The following HOMER3 variants were observed in gnomAD, a reference collection of about 807,000 sequenced individuals.
The protein encoded by HOMER3 is homer protein homolog 3.
In HOMER3, 34 loss-of-function variants were observed where a neutral mutation model predicts 45.5. That is an observed-to-expected ratio of 0.75 (90% CI 0.57 to 1.00). The LOEUF is 1.00. Ranked by LOEUF, HOMER3 falls within the 50% of genes least tolerant of loss-of-function variation. HOMER3 has a pLI of 0.00. For missense variants in HOMER3, 480 were observed against 497.5 expected (o/e 0.96, Z 0.33); for synonymous variants, 223 against 208.8 (o/e 1.07, Z -0.58).
intron 1 of HOMER3, chr19:18,940,579 G>C (rs1393768097): frequency 6.6e-6 from 1 of 152,192 alleles, no homozygotes; most frequent in Non-Finnish European, 1.5e-5. Flanking sequence ...CCTGTCTCTG[G>C]GTCCAGAACT....
Position 18,931,998 on chromosome 19 carries a change from T to G in HOMER3, c.668A>C (p.Glu223Ala), listed in dbSNP as rs2057038459. ...CACCCGCTGCCGCAGCCGCTCGGCC[T>G]CTGCACGCTGAGCCTCCAGCTGCTG... ...WRQQLEAQRA[E>A]AERLRQRVAE... The change falls in exon 7 of 10, where the codon GAG becomes GCG. Residue 223 changes from glutamate (E) to alanine (A), a missense_variant. Transcript: ENST00000392351. The G allele has an allele frequency of 1.3e-6, 2 of 1,544,128 alleles. No homozygotes were observed. The highest frequency in any genetic ancestry group is 1.7e-6 in the Non-Finnish European group (2 of 1,145,102).
rs76187838 is a variant in HOMER3 at position 18,932,056 on chromosome 19, G to A, written c.610C>T (p.Arg204Ter). 1 of 1,558,518 alleles carries A rather than the reference G, an allele frequency of 6.4e-7. No homozygotes were observed. Among genetic ancestry groups the A allele is most frequent in the Non-Finnish European group, 8.7e-7 (1 of 1,153,262 alleles). The change falls in exon 7 of 10, where the codon CGA (arginine) becomes TGA (stop). Residue 204 changes from arginine to a stop codon, truncating the protein, a stop_gained. Coordinates refer to ENST00000392351, the MANE Select transcript of HOMER3 (RefSeq NM_004838.4). LOFTEE classifies it high-confidence loss of function. ...TGGGCTGCGGCGGCGTTGGCCTCTC[G>A]CAGGGCGCCTGCCAGCTTGTTGTTG... ...DSNNKLAGAL[R>*]EANAAAAQWR...
rs555242842 is a variant in HOMER3 at position 18,936,191 on chromosome 19, T to C, written c.304-1781A>G. ...AGCCAGGCATGGTGGCACATGACTG[T>C]AATCCCAGCTACTTGGGAGGCTGAG... On this transcript the variant is annotated intron_variant, in intron 4 of 9. Transcript: ENST00000392351. Among the ~76,000 whole-genome samples, 4 of 148,224 alleles carry C rather than the reference T, an allele frequency of 2.7e-5. 1 individual carries two copies. In the South Asian group the frequency reaches 8.5e-4, roughly 32 times the overall value.
chr19:18,932,885 A>AAAC, intron 6 of HOMER3, 39 bp downstream of exon 6: 1 of 687,534 alleles, frequency 1.5e-6, no homozygotes. Context: ...CCCCACCCCT[A>AAAC]CCCCCGCCCC....
chr19:18,935,452 A>G (rs1462955536), intron 4 of HOMER3, among the ~76,000 whole-genome samples: 1 of 152,070 alleles, frequency 6.6e-6, no homozygotes, highest in East Asian at 1.9e-4. Context: ...AATCTTTATC[A>G]GGGCTATTTC....
At chr19:18,932,227 C>A (rs2057042507) in intron 6 of HOMER3, 95 bp from the exon 7 acceptor site, 1 of 1,219,972 alleles carries the variant, frequency 8.2e-7, no homozygotes, top group African/African-American at 1.6e-5. Flanking sequence ...GGTGGGATAG[C>A]TCTGGGCTTA....
chr19:18,936,712 G>A (rs940344125), intron 4 of HOMER3, among the ~76,000 whole-genome samples: 8 of 151,434 alleles, frequency 5.3e-5, no homozygotes, highest in African/African-American at 1.5e-4. Flanking sequence ...TGTTGGGGCC[G>A]GGCGCGGTGG....
chr19:18,930,392 C>CA (rs2057018489), intron 9 of HOMER3, among the ~76,000 whole-genome samples: 1 of 143,298 alleles, frequency 7.0e-6, no homozygotes, highest in Admixed American at 7.0e-5. Context: ...CCAAAAAATA[C>CA]AAAAAATTAG....
rs2057035633 is a variant in HOMER3, at chr19:18,931,774, T to C, written c.691-149A>G. The C allele has an allele frequency of 3.4e-6, 5 of 1,468,764 alleles. No individual in the cohort carries two copies. In the African/African-American group the frequency reaches 5.7e-5, roughly 17 times the overall value. 91.0% of individuals were successfully genotyped at this position (1,468,764 alleles called of 1,614,324 possible). Reference sequence around the variant, plus strand: ...GTGCCACCACCCCCCTCTGCACAGCTTGGACTTTAGTGTCTGATCACCCTC... The same window carrying C: ...GTGCCACCACCCCCCTCTGCACAGCCTGGACTTTAGTGTCTGATCACCCTC... On this transcript the variant is annotated intron_variant, in intron 7 of 9. Transcript: ENST00000392351.
chr19:18,936,313 C>CAAAAAA (rs545186459), intron 4 of HOMER3, among the ~76,000 whole-genome samples: 1 of 122,024 alleles, frequency 8.2e-6, no homozygotes, highest in Non-Finnish European at 1.7e-5. Context: ...AACTCTGTCT[C>CAAAAAA]AAAAAAATAA....
intron 4 of HOMER3, among the ~76,000 whole-genome samples, chr19:18,936,579 T>G (rs1261203332): frequency 1.3e-5 from 2 of 151,626 alleles, no homozygotes; most frequent in Non-Finnish European, 2.9e-5. Context: ...GGCAGGAGAA[T>G]TGCTTGAACC....
In HOMER3 at chr19:18,939,048, C is replaced by T; in HGVS notation, c.-66G>A. 6.7e-7 allele frequency: 1 copy of T among 1,482,942 alleles called. No homozygotes were observed. Among genetic ancestry groups the T allele is most frequent in the Non-Finnish European group, 9.0e-7 (1 of 1,110,958 alleles). The allele number at this position is 1,482,942 out of a possible 1,614,324, so 91.9% of individuals were successfully genotyped here. ...GAGGTGGCAGGAGCACTGGTTTGGC[C>T]CCTAGGGAGAGAGGAGGGACTATGA... On this transcript the variant is annotated splice_region_variant and 5_prime_UTR_variant, in exon 2 of 10. Coordinates refer to ENST00000392351, the MANE Select transcript of HOMER3 (RefSeq NM_004838.4).
At position 18,932,906 on chromosome 19, in the gene HOMER3, C is replaced by A. The variant is rs1415273869; in HGVS notation, c.533+18G>T. Reference sequence around the variant, plus strand: ...CCCTACCCCCGCCCCTGCCACGCCCCCAAGTCCCGCCCCTCACCCCTCAGA... The same window carrying A: ...CCCTACCCCCGCCCCTGCCACGCCCACAAGTCCCGCCCCTCACCCCTCAGA... On this transcript the variant is annotated intron_variant, in intron 6 of 9. Transcript: ENST00000392351. 1.5e-6 allele frequency: 2 copies of A among 1,375,020 alleles called. No individual in the cohort carries two copies. Among genetic ancestry groups the A allele is most frequent in the African/African-American group, 1.5e-5 (1 of 66,364 alleles). 85.2% of individuals were successfully genotyped at this position (1,375,020 alleles called of 1,614,324 possible).
chr19:18,931,392 C>T lies in HOMER3; in HGVS notation c.827G>A (p.Ser276Asn). 3.1e-6 allele frequency: 5 copies of T among 1,614,182 alleles called. No homozygotes were observed. Among genetic ancestry groups the T allele is most frequent in the Non-Finnish European group, 4.2e-6 (5 of 1,180,014 alleles). ...GGCCTCGCGGGGCCCCCCAGTCTGA[C>T]TCTTCAGGGTCTGAATCTCCTAGAG... ...TKDQEIQTLK[S>N]QTGGPREALE... Residue 276 changes from serine (S) to asparagine (N), a missense_variant, in exon 9 of 10, where the codon AGT (serine) becomes AAT (asparagine). Transcript: ENST00000392351.
chr19:18,938,671 C>T lies in HOMER3; in HGVS notation c.171+57G>A, dbSNP rs2057120452. ...GGCACACAGCAAGCCAGCCACCAGACCCAAGGTTGTCACCAGGACTCCTGG... is the reference window on the plus strand; with the variant it reads ...GGCACACAGCAAGCCAGCCACCAGATCCAAGGTTGTCACCAGGACTCCTGG... On this transcript the variant is annotated intron_variant, in intron 3 of 9. Coordinates refer to ENST00000392351, the MANE Select transcript of HOMER3 (RefSeq NM_004838.4). 1.9e-6 allele frequency: 3 copies of T among 1,555,314 alleles called. No homozygotes were observed. The African/African-American group carries it at 4.1e-5, about 21-fold the overall frequency.
chr19:18,938,854 G>A lies in HOMER3; in HGVS notation c.45C>T (p.His15=), dbSNP rs371617955. Residue 15 remains histidine, a synonymous_variant, in exon 3 of 10, where the codon CAC becomes CAT. Coordinates refer to ENST00000392351, the MANE Select transcript of HOMER3 (RefSeq NM_004838.4). The part of the protein sequence containing the change: ...REQPIFSTRA[H]VFQIDPATKR... ...TGGTGGCTGGGTCAATTTGGAACAC[G>A]TGCGCCCGTGTGCTGAAGATTGGCT... 49 of 1,602,074 alleles carry A rather than the reference G, an allele frequency of 3.1e-5. No homozygotes were observed. Among genetic ancestry groups the A allele is most frequent in the Non-Finnish European group, 4.0e-5 (47 of 1,174,652 alleles).
chr19:18,935,951 G>A (rs1015802430), intron 4 of HOMER3, among the ~76,000 whole-genome samples: 3 of 150,644 alleles, frequency 2.0e-5, no homozygotes, highest in Admixed American at 1.3e-4. Flanking sequence ...CCCAGGAGGT[G>A]GAGGTTGCAG....
intron 7 of HOMER3, 98 bp from the exon 8 acceptor site, chr19:18,931,723 G>C: frequency 6.6e-7 from 1 of 1,507,330 alleles, no homozygotes; most frequent in Non-Finnish European, 8.8e-7. Context: ...CCACGCCCAG[G>C]ACCGAGCACC....
chr19:18,937,761 G>C (rs1012539968), intron 4 of HOMER3, among the ~76,000 whole-genome samples: 3 of 151,744 alleles, frequency 2.0e-5, no homozygotes, highest in Admixed American at 1.3e-4. Context: ...GAAGTATAGA[G>C]ACGGCACAGG....
Sources: allele counts gnomAD v4.1 joint callset (sites outside exome capture counted in the v4.1 genomes callset), GRCh38; gene constraint gnomAD v4.1.1; transcripts MANE v1.5; gene names NCBI Gene and HGNC (gene_info 2026-07-23, HGNC 2026-07-21).